Variants in MAP2 observed in about 807,000 individuals in gnomAD.
MAP2 encodes microtubule-associated protein 2.
A neutral mutation model predicts 137.6 loss-of-function variants in MAP2; 14 were observed. The observed-to-expected ratio is 0.10, with a 90% confidence interval of 0.07 to 0.16. The LOEUF is 0.16. Among genes scored for constraint, MAP2 ranks in the 10% least tolerant of loss-of-function variants. The pLI is 1.00. For synonymous variants in MAP2, 786 were observed against 782.3 expected, an observed-to-expected ratio of 1.00 and a Z score of -0.08; for missense variants, 2,088 against 2,191.5, an observed-to-expected ratio of 0.95 and a Z score of 0.94.
intron 2 of MAP2, among the ~76,000 whole-genome samples, chr2:209,559,324 G>A (rs2071425326): frequency 6.6e-6 from 1 of 151,352 alleles, no homozygotes; most frequent in Non-Finnish European, 1.5e-5. Context: ...TATATTTGGT[G>A]CCCAAATTAT....
At chr2:209,492,679 C>G (rs1439394322) in intron 1 of MAP2, among the ~76,000 whole-genome samples, 1 of 152,100 alleles carries the variant, frequency 6.6e-6, no homozygotes, top group Non-Finnish European at 1.5e-5. Context: ...TGAGCAAACT[C>G]CCATTCACAA....
chr2:209,585,792 T>C (rs142055411), intron 3 of MAP2, among the ~76,000 whole-genome samples: 87 of 152,296 alleles, frequency 5.7e-4, no homozygotes, highest in South Asian at 1.2e-3. Flanking sequence ...TAAAACAAAA[T>C]CACTGTATTC....
At chr2:209,472,664 C>A (rs1378337663) in intron 1 of MAP2, among the ~76,000 whole-genome samples, 1 of 151,952 alleles carries the variant, frequency 6.6e-6, no homozygotes, top group Non-Finnish European at 1.5e-5. Context: ...ACCATTTGCC[C>A]CCTTAAACCT....
chr2:209,660,212 C>A (rs2042776863), intron 5 of MAP2, among the ~76,000 whole-genome samples: 1 of 152,006 alleles, frequency 6.6e-6, no homozygotes, highest in South Asian at 2.1e-4. Context: ...CAGACCTACC[C>A]ACTGCCAAAG....
chr2:209,704,669 G>A (rs770126849), intron 11 of MAP2: 1 of 1,499,924 alleles, frequency 6.7e-7, no homozygotes, highest in South Asian at 1.4e-5. Context: ...GAATTTGGGA[G>A]AAGGTTATGT....
chr2:209,695,451 T>A lies in MAP2; in HGVS notation c.3281T>A (p.Val1094Asp). The part of the protein sequence containing the change: ...APQEADAFMG[V>D]ESGHMKEGTK... The stretch of plus-strand genomic sequence containing the variant: ...CAGGAGGCAGATGCATTTATGGGTG[T>A]TGAGTCTGGCCACATGAAAGAAGGC... Residue 1094 changes from valine (V) to aspartate (D), a missense_variant, in exon 8 of 16, where the codon GTT becomes GAT. Physicochemically the swap from Val to Asp is radical, Grantham distance 152. This residue lies in a region of MAP2 where 500 missense variants were observed against 482.9 expected (regional missense o/e 1.04). Coordinates refer to ENST00000682079, the MANE Select transcript of MAP2 (RefSeq NM_001375505.1). The A allele has an allele frequency of 6.2e-7, 1 of 1,614,002 alleles. No homozygotes were observed. The highest frequency in any genetic ancestry group is 1.7e-5 in the Admixed American group (1 of 60,004).
intron 11 of MAP2, among the ~76,000 whole-genome samples, chr2:209,701,483 A>C (rs2061745568): frequency 6.6e-6 from 1 of 152,070 alleles, no homozygotes; most frequent in Non-Finnish European, 1.5e-5. Flanking sequence ...AATTATAACA[A>C]ATAATTTGAA....
chr2:209,717,646 C>T (rs1400258752), intron 13 of MAP2, among the ~76,000 whole-genome samples: 1 of 152,100 alleles, frequency 6.6e-6, no homozygotes, highest in Non-Finnish European at 1.5e-5. Context: ...GTGCTATTAA[C>T]ATGTAAGCAT....
chr2:209,692,228 C>A (rs2059095697), intron 7 of MAP2, among the ~76,000 whole-genome samples: 1 of 151,090 alleles, frequency 6.6e-6, no homozygotes, highest in South Asian at 2.1e-4. Context: ...TCTTTTGTAC[C>A]CTAACATTAG....
chr2:209,632,701 T>A (rs1350497034), intron 4 of MAP2, among the ~76,000 whole-genome samples: 1 of 152,166 alleles, frequency 6.6e-6, no homozygotes, highest in Non-Finnish European at 1.5e-5. Flanking sequence ...GTATCTCCGT[T>A]GCTATCCATC....
chr2:209,661,899 T>C (rs2043809392), intron 5 of MAP2, among the ~76,000 whole-genome samples: 1 of 152,206 alleles, frequency 6.6e-6, no homozygotes, highest in Non-Finnish European at 1.5e-5. Flanking sequence ...GCCACAGCGT[T>C]TGATATTTTA....
chr2:209,492,569 A>C (rs1027654203), intron 1 of MAP2, among the ~76,000 whole-genome samples: 40 of 152,130 alleles, frequency 2.6e-4, no homozygotes, highest in Non-Finnish European at 4.3e-4. Context: ...TCTCCTTAAG[A>C]TGATAAGCAA....
rs1223475710 is a variant in MAP2 at position 209,693,626 on chromosome 2, G to A, written c.1456G>A (p.Asp486Asn). The A allele has an allele frequency of 6.2e-7, 1 of 1,613,866 alleles. No homozygotes were observed. Among genetic ancestry groups the A allele is most frequent in the South Asian group, 1.1e-5 (1 of 91,068 alleles). The change falls in exon 8 of 16, where the codon GAC becomes AAC. Residue 486 changes from aspartate to asparagine, a missense_variant. Asp to Asn is a conservative substitution (Grantham distance 23). Around this residue, in one of 6 missense-constraint regions of MAP2, gnomAD observed 859 missense variants for 794.5 expected, o/e 1.08. Coordinates refer to ENST00000682079, the MANE Select transcript of MAP2 (RefSeq NM_001375505.1). ...AGAGCACACTTTCTCAGAACAGAAAGACCAAGAGCCTACCACAGATATGTT... is the reference window on the plus strand; with the variant it reads ...AGAGCACACTTTCTCAGAACAGAAAAACCAAGAGCCTACCACAGATATGTT... ...STEHTFSEQK[D>N]QEPTTDMLKQ...
At chr2:209,545,599 G>A (rs1378866736) in intron 2 of MAP2, among the ~76,000 whole-genome samples, 1 of 152,032 alleles carries the variant, frequency 6.6e-6, no homozygotes, top group African/African-American at 2.4e-5. Context: ...CTTTTCTCTT[G>A]CAAGAGTAAA....
intron 3 of MAP2, among the ~76,000 whole-genome samples, chr2:209,604,772 GA>G (rs1310888657): frequency 6.6e-6 from 1 of 152,090 alleles, no homozygotes; most frequent in Non-Finnish European, 1.5e-5. Context: ...TGCCATAAAG[GA>G]AAATACTGAT....
chr2:209,578,899 C>A (rs1488371847), intron 2 of MAP2, among the ~76,000 whole-genome samples: 2 of 68,276 alleles, frequency 2.9e-5, no homozygotes, highest in African/African-American at 5.3e-5. Context: ...CCCCAGAAAT[C>A]ACATATCGGC....
intron 7 of MAP2, among the ~76,000 whole-genome samples, chr2:209,688,300 T>C (rs1295532499): frequency 6.6e-6 from 1 of 152,138 alleles, no homozygotes; most frequent in Non-Finnish European, 1.5e-5. Flanking sequence ...GAAGAACATA[T>C]TCTTTACCCA....
chr2:209,631,034 A>AAAAAG (rs1559446576), intron 4 of MAP2, among the ~76,000 whole-genome samples: 1 of 100,664 alleles, frequency 9.9e-6, no homozygotes, highest in African/African-American at 6.4e-5. Flanking sequence ...AAAAAAAAAA[A>AAAAAG]AGAGAGAGAG....
intron 4 of MAP2, among the ~76,000 whole-genome samples, chr2:209,644,144 A>G (rs139103792): frequency 6.6e-6 from 1 of 152,292 alleles, no homozygotes; most frequent in African/African-American, 2.4e-5. Context: ...GACTGAAAAC[A>G]CTGTAAGACA....
Sources: allele counts gnomAD v4.1 joint callset (sites outside exome capture counted in the v4.1 genomes callset), GRCh38; gene constraint gnomAD v4.1.1; regional missense constraint gnomAD v4.1.1; transcripts MANE v1.5; gene names NCBI Gene and HGNC (gene_info 2026-07-23, HGNC 2026-07-21).